Variants in KIAA1217 observed in about 807,000 individuals in gnomAD.
The protein encoded by KIAA1217 is sickle tail protein homolog.
A neutral mutation model predicts 163.9 loss-of-function variants in KIAA1217; 88 were observed. The ratio of observed to expected loss-of-function variants is 0.54; its 90% CI spans 0.45 to 0.64. The LOEUF is 0.64. Ranked by LOEUF, KIAA1217 falls within the 30% of genes least tolerant of loss-of-function variation. The pLI is 0.00. For missense variants in KIAA1217, 2,372 were observed against 2,475.0 expected, an observed-to-expected ratio of 0.96 and a Z score of 0.88; for synonymous variants, 903 against 923.1, an observed-to-expected ratio of 0.98 and a Z score of 0.39.
intron 1 of KIAA1217, among the ~76,000 whole-genome samples, chr10:23,919,606 T>TAA (rs66850484): frequency 1.4e-3 from 106 of 76,670 alleles, no homozygotes; most frequent in Middle Eastern, 6.6e-3. Context: ...ACTCCTTCTC[T>TAA]AAAAAAAAAA....
At chr10:24,072,794 G>C (rs2061232577) in intron 2 of KIAA1217, among the ~76,000 whole-genome samples, 1 of 152,240 alleles carries the variant, frequency 6.6e-6, no homozygotes, top group Non-Finnish European at 1.5e-5. Flanking sequence ...TGAAAGATTG[G>C]GGGTGGAGAT....
At chr10:24,295,656 A>G (rs1483615810) in intron 2 of KIAA1217, among the ~76,000 whole-genome samples, 1 of 152,152 alleles carries the variant, frequency 6.6e-6, no homozygotes, top group Non-Finnish European at 1.5e-5. Flanking sequence ...CACCTCCAAC[A>G]GGCATTCCCT....
At chr10:24,304,532 G>C in intron 2 of KIAA1217, among the ~76,000 whole-genome samples, 1 of 151,862 alleles carries the variant, frequency 6.6e-6, no homozygotes. Context: ...TATAGGGACG[G>C]GGTCTCGTTA....
intron 5 of KIAA1217, among the ~76,000 whole-genome samples, chr10:24,460,940 A>G (rs1183935349): frequency 6.6e-6 from 1 of 152,204 alleles, no homozygotes; most frequent in Non-Finnish European, 1.5e-5. Context: ...TAAGAAGCTG[A>G]GACCACATGA....
intron 10 of KIAA1217, among the ~76,000 whole-genome samples, chr10:24,515,156 T>C (rs2069872677): frequency 6.6e-6 from 1 of 151,836 alleles, no homozygotes. Context: ...AACCTCCAAC[T>C]CCTGGGTTCA....
chr10:23,729,630 G>A (rs1838362753), intron 1 of KIAA1217, among the ~76,000 whole-genome samples: 1 of 151,902 alleles, frequency 6.6e-6, no homozygotes, highest in Non-Finnish European at 1.5e-5. Context: ...TTTTTTAATT[G>A]GCTTATTTGC....
chr10:24,532,451 C>G (rs1457005277), intron 15 of KIAA1217, among the ~76,000 whole-genome samples: 1 of 152,112 alleles, frequency 6.6e-6, no homozygotes, highest in Non-Finnish European at 1.5e-5. Flanking sequence ...TATGGGAGGG[C>G]CTTTCATGAG....
At chr10:24,385,558 C>A (rs1171131552) in intron 3 of KIAA1217, among the ~76,000 whole-genome samples, 2 of 152,092 alleles carry the variant, frequency 1.3e-5, no homozygotes, top group Non-Finnish European at 2.9e-5. Flanking sequence ...TAGAAATTTA[C>A]AAAGAAGAAA....
chr10:24,240,631 C>T (rs1415969100), intron 2 of KIAA1217, among the ~76,000 whole-genome samples: 1 of 152,140 alleles, frequency 6.6e-6, no homozygotes, highest in Non-Finnish European at 1.5e-5. Flanking sequence ...TGTCCTTAGG[C>T]CTCAGTCATC....
At chr10:24,377,581 T>C (rs1338787248) in intron 2 of KIAA1217, among the ~76,000 whole-genome samples, 1 of 152,206 alleles carries the variant, frequency 6.6e-6, no homozygotes, top group African/African-American at 2.4e-5. Context: ...TAAAGTATCT[T>C]TCCTTTCTTA....
rs570128930 is a variant in KIAA1217, at chr10:23,798,059, G to A, written c.-321+102825G>A. Among the ~76,000 whole-genome samples, 4 of 152,224 alleles carry A rather than the reference G, an allele frequency of 2.6e-5. No individual in the cohort carries two copies. The East Asian group carries it at 7.7e-4, about 29-fold the overall frequency. On this transcript the variant is annotated intron_variant, in intron 1 of 18. Coordinates refer to the KIAA1217 transcript ENST00000376462. The stretch of plus-strand genomic sequence containing the variant: ...GTGCTCAAAAAAGAAATTATTCCTT[G>A]TTTTGCCTCTTCCATTCAAACAATG...
At chr10:24,280,809 C>A (rs996035730) in intron 2 of KIAA1217, among the ~76,000 whole-genome samples, 1,275 of 104,932 alleles carry the variant, frequency 0.012, no homozygotes, top group Middle Eastern at 0.036. Context: ...GACTCCGTCT[C>A]AAAAAAAAAA....
chr10:24,089,178 G>A (rs1233062019), intron 2 of KIAA1217, among the ~76,000 whole-genome samples: 1 of 124,588 alleles, frequency 8.0e-6, no homozygotes, highest in African/African-American at 2.5e-5. Flanking sequence ...TGTGTTCTTT[G>A]TAGATTCTGG....
chr10:24,222,355 T>C (rs2069772748), intron 2 of KIAA1217, among the ~76,000 whole-genome samples: 1 of 152,202 alleles, frequency 6.6e-6, no homozygotes, highest in Non-Finnish European at 1.5e-5. Context: ...TTTTAATGCA[T>C]GAATCTATGT....
intron 1 of KIAA1217, among the ~76,000 whole-genome samples, chr10:24,216,910 C>T (rs1589976708): frequency 2.0e-5 from 3 of 149,034 alleles, no homozygotes; most frequent in Non-Finnish European, 3.0e-5. Context: ...CACACATCTG[C>T]GGTCCCAGCT....
intron 1 of KIAA1217, among the ~76,000 whole-genome samples, chr10:24,218,065 T>C (rs1016645074): frequency 6.6e-6 from 1 of 152,218 alleles, no homozygotes; most frequent in African/African-American, 2.4e-5. Context: ...ATATCAGCAA[T>C]ACTTTATGAT....
At chr10:24,525,948 G>A (rs1016675301) in intron 13 of KIAA1217, among the ~76,000 whole-genome samples, 8 of 152,140 alleles carry the variant, frequency 5.3e-5, no homozygotes, top group Non-Finnish European at 8.8e-5. Context: ...CCAAGATCAC[G>A]CCACTGCACT....
chr10:23,841,496 T>C (rs1317812609), intron 1 of KIAA1217, among the ~76,000 whole-genome samples: 1 of 152,154 alleles, frequency 6.6e-6, no homozygotes, highest in Non-Finnish European at 1.5e-5. Flanking sequence ...ACATTATATA[T>C]GGGAATGATC....
chr10:23,924,559 C>T (rs138902008), intron 1 of KIAA1217, among the ~76,000 whole-genome samples: 1 of 152,222 alleles, frequency 6.6e-6, no homozygotes, highest in African/African-American at 2.4e-5. Flanking sequence ...TTTGTCCTGT[C>T]AGATGAGCAA....
Sources: allele counts gnomAD v4.1 joint callset (sites outside exome capture counted in the v4.1 genomes callset), GRCh38; gene constraint gnomAD v4.1.1; transcripts MANE v1.5; gene names NCBI Gene and HGNC (gene_info 2026-07-23, HGNC 2026-07-21).